Variants in SLCO3A1 observed in about 807,000 individuals in gnomAD.
SLCO3A1 encodes the protein PGE1 transporter.
Under a neutral mutation model 63.1 loss-of-function variants are expected in SLCO3A1, and 27 were observed. That is an observed-to-expected ratio of 0.43 (90% CI 0.32 to 0.59). The LOEUF (loss-of-function observed/expected upper bound fraction) is 0.59, where lower values mean the gene tolerates loss of function less well. Ranked by LOEUF, SLCO3A1 falls within the 20% of genes least tolerant of loss-of-function variation. The pLI is 0.09. For synonymous variants in SLCO3A1, 473 were observed against 409.9 expected, an observed-to-expected ratio of 1.15 and a Z score of -1.86; for missense variants, 773 against 945.8, an observed-to-expected ratio of 0.82 and a Z score of 2.40.
chr15:91,861,727 G>T (rs1446781881), intron 1 of SLCO3A1, among the ~76,000 whole-genome samples: 2 of 152,058 alleles, frequency 1.3e-5, no homozygotes, highest in African/African-American at 4.8e-5. Flanking sequence ...AGGCTGAAAT[G>T]ATCCTCCCAC....
At chr15:92,148,140 G>A (rs568192684) in intron 8 of SLCO3A1, among the ~76,000 whole-genome samples, 71 of 152,316 alleles carry the variant, frequency 4.7e-4, no homozygotes, top group African/African-American at 1.6e-3. Flanking sequence ...CCCAGGAGGC[G>A]GAAGTTGCAG....
intron 1 of SLCO3A1, among the ~76,000 whole-genome samples, chr15:91,896,855 C>A (rs531004903): frequency 6.6e-6 from 1 of 152,192 alleles, no homozygotes; most frequent in Non-Finnish European, 1.5e-5. Flanking sequence ...ATCATCAGGA[C>A]ATGCTGTATC....
chr15:91,862,345 G>A lies in SLCO3A1; in HGVS notation c.180+8257G>A, dbSNP rs373377544. Among the ~76,000 whole-genome samples the A allele has an allele frequency of 1.3e-4, 20 of 151,802 alleles. No homozygotes were observed. The highest frequency in any genetic ancestry group is 4.6e-4 in the African/African-American group (19 of 41,304). The stretch of plus-strand genomic sequence containing the variant: ...TTTTTGTATTTTTTTTAGTGGAGAC[G>A]GGGTTTCACCATGTTGGCCAGGGTG... On this transcript the variant is annotated intron_variant, in intron 1 of 9. Coordinates refer to ENST00000318445, the MANE Select transcript of SLCO3A1 (RefSeq NM_013272.4). The surrounding 1 kb of genome is among the most constrained non-coding windows in gnomAD (Gnocchi z 4.0).
At chr15:92,101,721 A>G (rs920715083) in intron 3 of SLCO3A1, among the ~76,000 whole-genome samples, 3 of 152,144 alleles carry the variant, frequency 2.0e-5, no homozygotes, top group Non-Finnish European at 2.9e-5. Context: ...AAAAAAATCA[A>G]TACTTCCCAA....
chr15:91,943,551 G>A (rs1414729487), intron 2 of SLCO3A1, among the ~76,000 whole-genome samples: 2 of 152,310 alleles, frequency 1.3e-5, no homozygotes, highest in East Asian at 3.9e-4. Flanking sequence ...AACCATAGGT[G>A]TGCAAAATGT....
chr15:92,044,814 T>C (rs1597253258), intron 2 of SLCO3A1, among the ~76,000 whole-genome samples: 1 of 152,130 alleles, frequency 6.6e-6, no homozygotes, highest in Non-Finnish European at 1.5e-5. Context: ...TTCCCTTGAC[T>C]CCTGACGTAG....
chr15:92,034,576 A>G lies in SLCO3A1; in HGVS notation c.647-60305A>G, dbSNP rs2046699924. Reference sequence around the variant, plus strand: ...CAATCAGAAGAGGAAGACCTGGCCCAGAGACCAGGGGAAGCATCCAGGGTG... The same window carrying G: ...CAATCAGAAGAGGAAGACCTGGCCCGGAGACCAGGGGAAGCATCCAGGGTG... On this transcript the variant is annotated intron_variant, in intron 2 of 9. Transcript: ENST00000318445. Among the ~76,000 whole-genome samples, 2 of 151,742 alleles carry G rather than the reference A, an allele frequency of 1.3e-5. 1 individual carries two copies. Among genetic ancestry groups the G allele is most frequent in the Non-Finnish European group, 2.9e-5 (2 of 67,810 alleles).
At chr15:92,107,852 C>T (rs755897364) in intron 4 of SLCO3A1, among the ~76,000 whole-genome samples, 3 of 152,242 alleles carry the variant, frequency 2.0e-5, no homozygotes, top group Admixed American at 6.5e-5. Flanking sequence ...CCAGCTCAGT[C>T]GCTTCTTAAT....
At chr15:92,006,859 C>T (rs1358628420) in intron 2 of SLCO3A1, among the ~76,000 whole-genome samples, 1 of 152,184 alleles carries the variant, frequency 6.6e-6, no homozygotes, top group Non-Finnish European at 1.5e-5. Context: ...TAGGGAAAGC[C>T]CCCAAATGTA....
intron 7 of SLCO3A1, among the ~76,000 whole-genome samples, chr15:92,139,791 T>C (rs1332834931): frequency 6.6e-6 from 1 of 151,582 alleles, no homozygotes; most frequent in Non-Finnish European, 1.5e-5. Flanking sequence ...TCTCTGATGG[T>C]AGTTTGTATT....
chr15:92,157,937 C>T (rs977454123), intron 9 of SLCO3A1, among the ~76,000 whole-genome samples: 3 of 152,104 alleles, frequency 2.0e-5, no homozygotes, highest in African/African-American at 4.8e-5. Flanking sequence ...TCCCAAGTGG[C>T]GGAATTAGAA....
intron 4 of SLCO3A1, among the ~76,000 whole-genome samples, chr15:92,105,136 T>G (rs922043565): frequency 3.3e-5 from 5 of 151,990 alleles, no homozygotes; most frequent in Admixed American, 2.6e-4. Flanking sequence ...CTTGGTGGCA[T>G]GTGCCTGTAA....
chr15:92,127,353 G>C (rs1041404338), intron 6 of SLCO3A1, among the ~76,000 whole-genome samples: 1 of 111,902 alleles, frequency 8.9e-6, no homozygotes, highest in African/African-American at 3.0e-5. Context: ...AAAAAGAAAA[G>C]AAAAGTGTAT....
intron 2 of SLCO3A1, among the ~76,000 whole-genome samples, chr15:92,075,801 C>G (rs770100290): frequency 1.3e-5 from 2 of 152,206 alleles, no homozygotes; most frequent in Non-Finnish European, 2.9e-5. Context: ...TGCTCCACGG[C>G]TTTGAGATGG....
At chr15:91,988,638 C>A (rs2046086175) in intron 2 of SLCO3A1, among the ~76,000 whole-genome samples, 2 of 152,080 alleles carry the variant, frequency 1.3e-5, no homozygotes, top group African/African-American at 2.4e-5. Flanking sequence ...AGGGCTTGTT[C>A]CACCACAGAT....
rs577932150 is a variant in SLCO3A1, at chr15:92,025,467, C to T, written c.647-69414C>T. 2.6e-5 allele frequency among the ~76,000 whole-genome samples: 4 copies of T among 152,192 alleles called. No individual in the cohort carries two copies. The South Asian group carries it at 8.3e-4, about 32-fold the overall frequency. On this transcript the variant is annotated intron_variant, in intron 2 of 9. Coordinates refer to ENST00000318445, the MANE Select transcript of SLCO3A1 (RefSeq NM_013272.4). ...CTGCTCTTGCTGCTGCTGCTGCTACCACTACTACTACTGCTGCTGCTGCTA... is the reference window on the plus strand; with the variant it reads ...CTGCTCTTGCTGCTGCTGCTGCTACTACTACTACTACTGCTGCTGCTGCTA...
rs769994687 is a variant in SLCO3A1, at chr15:92,126,254, A to G, written c.1368A>G (p.Gly456=). The G allele has an allele frequency of 6.2e-7, 1 of 1,613,590 alleles. No individual in the cohort carries two copies. The highest frequency in any genetic ancestry group is 1.7e-5 in the Admixed American group (1 of 59,994). ...GPVAGVTVPY[G]NSTAPGSALD... Reference sequence around the variant, plus strand: ...TGGCTGGGGTTACTGTTCCCTATGGAAACAGGTGAGTACTGGCAGTGTCTG... The same window carrying G: ...TGGCTGGGGTTACTGTTCCCTATGGGAACAGGTGAGTACTGGCAGTGTCTG... Residue 456 remains glycine, a synonymous_variant, in exon 6 of 10, where the codon GGA becomes GGG. Coordinates refer to ENST00000318445, the MANE Select transcript of SLCO3A1 (RefSeq NM_013272.4).
Position 91,967,412 on chromosome 15 carries a change from A to C in SLCO3A1, c.646+50954A>C, listed in dbSNP as rs146464984. Among the ~76,000 whole-genome samples, 1 of 152,128 alleles carries C rather than the reference A, an allele frequency of 6.6e-6. No homozygotes were observed. Among genetic ancestry groups the C allele is most frequent in the East Asian group, 1.9e-4 (1 of 5,166 alleles). On this transcript the variant is annotated intron_variant, in intron 2 of 9. Transcript: ENST00000318445. The surrounding 1 kb of genome is among the most constrained non-coding windows in gnomAD (Gnocchi z 4.4). ...TAACTCCCCCTGCTTGAAGCTTTAT[A>C]TGGTGATCTGTGGTAGAATGTCCCT... is the stretch of plus-strand genomic sequence containing the variant.
intron 2 of SLCO3A1, among the ~76,000 whole-genome samples, chr15:92,019,240 C>T (rs752362210): frequency 6.6e-6 from 1 of 152,182 alleles, no homozygotes; most frequent in Non-Finnish European, 1.5e-5. Context: ...GGCTCTACCA[C>T]TTACCAGCTC....
Sources: allele counts gnomAD v4.1 joint callset (sites outside exome capture counted in the v4.1 genomes callset), GRCh38; gene constraint gnomAD v4.1.1; non-coding constraint Gnocchi (gnomAD v3.1); transcripts MANE v1.5; gene names NCBI Gene and HGNC (gene_info 2026-07-23, HGNC 2026-07-21).